Variants in ICAM3 observed in about 807,000 individuals in gnomAD.
The protein encoded by ICAM3 is intercellular adhesion molecule 3.
In ICAM3, 54 loss-of-function variants were observed where a neutral mutation model predicts 43.6. The observed-to-expected ratio is 1.24, with a 90% confidence interval of 0.99 to 1.55. ICAM3 has a LOEUF of 1.55. Among genes scored for constraint, ICAM3 ranks in the 40% most tolerant of loss-of-function variants. ICAM3 has a pLI of 0.00. For missense variants in ICAM3, 715 were observed against 717.9 expected, an observed-to-expected ratio of 1.00 and a Z score of 0.05; for synonymous variants, 306 against 312.6, an observed-to-expected ratio of 0.98 and a Z score of 0.22.
chr19:10,335,697 G>A lies in ICAM3; in HGVS notation c.623C>T (p.Ser208Leu). Reference sequence around the variant, plus strand: ...AAAGGTTCGGAGCTGGCGGGGGGCTGAGGTGTTCACGAACAGTCCCAGCCC... The same window carrying A: ...AAAGGTTCGGAGCTGGCGGGGGGCTAAGGTGTTCACGAACAGTCCCAGCCC... ...PQGLGLFVNTSAPRQLRTFVL... is the reference protein window; with the variant it reads ...PQGLGLFVNTLAPRQLRTFVL... Residue 208 changes from serine (S) to leucine (L), a missense_variant, in exon 3 of 7, where the codon TCA (serine) becomes TTA (leucine). Transcript: ENST00000160262. 1.2e-6 allele frequency: 2 copies of A among 1,607,164 alleles called. No individual in the cohort carries two copies. Among genetic ancestry groups the A allele is most frequent in the Non-Finnish European group, 1.7e-6 (2 of 1,177,248 alleles).
Position 10,338,757 on chromosome 19 carries a change from C to T in ICAM3, c.268G>A (p.Gly90Ser). 6.2e-7 allele frequency: 1 copy of T among 1,614,154 alleles called. No individual in the cohort carries two copies. Among genetic ancestry groups the T allele is most frequent in the Non-Finnish European group, 8.5e-7 (1 of 1,180,014 alleles). Residue 90 changes from glycine (G) to serine (S), a missense_variant, in exon 2 of 7, where the codon GGC (glycine) becomes AGC (serine). Physicochemically the swap from Gly to Ser is moderately conservative, Grantham distance 56 (BLOSUM62 0). Coordinates refer to ENST00000160262, the MANE Select transcript of ICAM3 (RefSeq NM_002162.5). Reference protein sequence around the residue: ...WAAFNLSNVTGNSRILCSVYC... With the variant: ...WAAFNLSNVTSNSRILCSVYC... The stretch of plus-strand genomic sequence containing the variant: ...ACTGAGCAGAGGATCCGACTGTTGC[C>T]AGTCACGTTGCTGAGATTGAAGGCT...
In ICAM3 at chr19:10,334,611, CCGT is replaced by C. The variant is rs865933913; in HGVS notation, c.1106_1108del (p.Asp369del). The stretch of plus-strand genomic sequence containing the variant: ...AGTGGCACTGCAGAAGAAGCTGCGT[CCGT>C]CGTCACTCTCGGTAGCATTTAGCTG... On this transcript the variant is annotated inframe_deletion, in exon 5 of 7. Transcript: ENST00000160262. The surrounding 1 kb of genome is among the most constrained non-coding windows in gnomAD (Gnocchi z 5.5). The C allele has an allele frequency of 1.2e-6, 2 of 1,613,750 alleles. No individual in the cohort carries two copies. Among genetic ancestry groups the C allele is most frequent in the Middle Eastern group, 1.6e-4 (1 of 6,062 alleles).
At chr19:10,337,744 C>T (rs548707286) in intron 2 of ICAM3, among the ~76,000 whole-genome samples, 1 of 152,140 alleles carries the variant, frequency 6.6e-6, no homozygotes, top group Admixed American at 6.5e-5. Context: ...CCACCTTGGT[C>T]CCCCAAGTAG....
At position 10,334,754 on chromosome 19, in the gene ICAM3, G is replaced by A. The variant is rs778463538; in HGVS notation, c.966C>T (p.Ser322=). The change falls in exon 5 of 7, where the codon AGC becomes AGT. Residue 322 remains serine, a synonymous_variant. Coordinates refer to ENST00000160262, the MANE Select transcript of ICAM3 (RefSeq NM_002162.5). The surrounding 1 kb of genome is among the most constrained non-coding windows in gnomAD (Gnocchi z 5.5). ...TGGACCCCTCATGGGCGGTGGGCTC[G>A]CTGAGGTTCACAATGGGTCCTAGGA... ...FSFLGPIVNL[S]EPTAHEGSTV... The A allele has an allele frequency of 1.2e-6, 2 of 1,606,664 alleles. No homozygotes were observed. Among genetic ancestry groups the A allele is most frequent in the East Asian group, 2.2e-5 (1 of 44,752 alleles).
At chr19:10,339,034 C>T in intron 1 of ICAM3, 86 bp from the exon 2 acceptor site, 1 of 1,427,024 alleles carries the variant, frequency 7.0e-7, no homozygotes, top group South Asian at 1.2e-5. Flanking sequence ...ACACCTCTCT[C>T]CTTGTGCCGA....
In ICAM3 at chr19:10,333,926, G is replaced by T. The variant is rs746354990; in HGVS notation, c.1575C>A (p.Ser525Arg). Residue 525 changes from serine (S) to arginine (R), a missense_variant, in exon 7 of 7, where the codon AGC becomes AGA. Physicochemically the swap from Ser to Arg is moderately radical, Grantham distance 110. Transcript: ENST00000160262. This position sits in a 1 kb window ranked among gnomAD's most constrained non-coding sequence, Gnocchi z 4.2. ...RSGSYHVREE[S>R]TYLPLTSMQP... ...GCATAGACGTGAGGGGCAGATAGGT[G>T]CTCTCCTCCCTAACATGGTAACTGC... The T allele has an allele frequency of 2.5e-6, 4 of 1,614,140 alleles. No homozygotes were observed. The South Asian group carries it at 3.3e-5, about 13-fold the overall frequency.
Position 10,334,659 on chromosome 19 carries a change from G to C in ICAM3, c.1061C>G (p.Pro354Arg). The C allele has an allele frequency of 6.2e-7, 1 of 1,613,342 alleles. No individual in the cohort carries two copies. Among genetic ancestry groups the C allele is most frequent in the Non-Finnish European group, 8.5e-7 (1 of 1,180,010 alleles). The change falls in exon 5 of 7, where the codon CCG becomes CGG. Residue 354 changes from proline (P) to arginine (R), a missense_variant. Coordinates refer to ENST00000160262, the MANE Select transcript of ICAM3 (RefSeq NM_002162.5). This position sits in a 1 kb window ranked among gnomAD's most constrained non-coding sequence, Gnocchi z 5.5. ...VTLDGVPAAA[P>R]GQPAQLQLNA... is the part of the protein sequence containing the mutation. Reference sequence around the variant, plus strand: ...TAGCTGAAGTTGAGCTGGCTGCCCCGGGGCCGCGGCCGGAACTCCGTCCAG... The same window carrying C: ...TAGCTGAAGTTGAGCTGGCTGCCCCCGGGCCGCGGCCGGAACTCCGTCCAG...
rs760348883 is a variant in ICAM3 at position 10,334,807 on chromosome 19, G to A, written c.938-25C>T. ...CCTAAAGGCGGGGCATTGCCCAGGA[G>A]CTTAATGAACAGGACCTTCCTGTGG... On this transcript the variant is annotated intron_variant, in intron 4 of 6. Transcript: ENST00000160262. The surrounding 1 kb of genome is among the most constrained non-coding windows in gnomAD (Gnocchi z 5.5). 2 of 1,555,762 alleles carry A rather than the reference G, an allele frequency of 1.3e-6. No individual in the cohort carries two copies. The highest frequency in any genetic ancestry group is 1.2e-5 in the South Asian group (1 of 82,954).
intron 1 of ICAM3, chr19:10,339,314 G>T: frequency 5.6e-6 from 2 of 359,442 alleles, no homozygotes; most frequent in South Asian, 3.6e-5. Flanking sequence ...AGCATGAGGG[G>T]TGTGTGTGTG....
At chr19:10,335,598 A>G (rs1370927136) in intron 3 of ICAM3, 73 bp downstream of exon 3, 2 of 1,423,060 alleles carry the variant, frequency 1.4e-6, no homozygotes, top group Non-Finnish European at 1.9e-6. Context: ...CCCCACTCTC[A>G]GGAACCCCAA....
chr19:10,334,314 C>T lies in ICAM3; in HGVS notation c.1287G>A (p.Pro429=). The T allele has an allele frequency of 1.9e-6, 3 of 1,614,190 alleles. No homozygotes were observed. The highest frequency in any genetic ancestry group is 1.7e-6 in the Non-Finnish European group (2 of 1,180,048). The part of the protein sequence containing the change: ...HVLQCQARGN[P]YPELRCLKEG... ...CCTTCAAACACCGCAGCTCGGGGTA[C>T]GGGTTGCCCCTGGCTTGGCACTGCA... The change falls in exon 6 of 7, where the codon CCG becomes CCA. Residue 429 remains proline, a synonymous_variant. Transcript: ENST00000160262. This position sits in a 1 kb window ranked among gnomAD's most constrained non-coding sequence, Gnocchi z 5.5.
chr19:10,335,216 G>T lies in ICAM3; in HGVS notation c.787C>A (p.Leu263Met), dbSNP rs543383673. 4 of 1,613,858 alleles carry T rather than the reference G, an allele frequency of 2.5e-6. No individual in the cohort carries two copies. In the South Asian group the frequency reaches 4.4e-5, roughly 18 times the overall value. ...CCGTGGTTCATGACTGTCGCATTCA[G>T]CATCTGGTCCCCCAGCGCCAGGTAG... ...QVYLALGDQM[L>M]NATVMNHGDT... is the part of the protein sequence containing the mutation. The change falls in exon 4 of 7, where the codon CTG becomes ATG. Residue 263 changes from leucine to methionine, a missense_variant. By Grantham distance (15) the Leu-to-Met change is conservative (BLOSUM62 2). Transcript: ENST00000160262.
In ICAM3 at chr19:10,333,903, A is replaced by G; in HGVS notation, c.1598T>C (p.Met533Thr). ...TTCCCCCATTGCTTCTGTCGGCTGC[A>G]TAGACGTGAGGGGCAGATAGGTGCT... Reference protein sequence around the residue: ...EESTYLPLTSMQPTEAMGEEP... With the variant: ...EESTYLPLTSTQPTEAMGEEP... Residue 533 changes from methionine to threonine, a missense_variant, in exon 7 of 7, where the codon ATG (methionine) becomes ACG (threonine). Transcript: ENST00000160262. The surrounding 1 kb of genome is among the most constrained non-coding windows in gnomAD (Gnocchi z 4.2). The G allele has an allele frequency of 2.5e-6, 4 of 1,614,158 alleles. No individual in the cohort carries two copies. Among genetic ancestry groups the G allele is most frequent in the South Asian group, 1.1e-5 (1 of 91,088 alleles).
Position 10,339,534 on chromosome 19 carries a change from C to T in ICAM3, c.76+5G>A. 6.2e-7 allele frequency: 1 copy of T among 1,613,566 alleles called. No individual in the cohort carries two copies. The highest frequency in any genetic ancestry group is 8.5e-7 in the Non-Finnish European group (1 of 1,179,710). ...TCCAGCCCTCCCCGGCTTGACTGGT[C>T]TCACCTGGGGTCAGCAGACAGCAGA... On this transcript the variant is annotated splice_donor_5th_base_variant and intron_variant, in intron 1 of 6. Coordinates refer to ENST00000160262, the MANE Select transcript of ICAM3 (RefSeq NM_002162.5).
Position 10,334,543 on chromosome 19 carries a change from G to A in ICAM3, c.1177C>T (p.Gln393Ter), listed in dbSNP as rs748069551. The change falls in exon 5 of 7, where the codon CAG becomes TAG. Residue 393 changes from glutamine (Q) to a stop codon, truncating the protein, a stop_gained. Coordinates refer to ENST00000160262, the MANE Select transcript of ICAM3 (RefSeq NM_002162.5). LOFTEE classifies it high-confidence loss of function. This position sits in a 1 kb window ranked among gnomAD's most constrained non-coding sequence, Gnocchi z 5.5. ...ACCGACTCACACAGGACTCGCAGCT[G>A]GACGCTACTGTTCCTGTGCAAGAAC... ...GEFLHRNSSV[Q>*]LRVLYGPKID... 1.9e-6 allele frequency: 3 copies of A among 1,610,702 alleles called. No individual in the cohort carries two copies. The South Asian group carries it at 3.3e-5, about 18-fold the overall frequency.
chr19:10,339,481 C>T (rs1399203056), intron 1 of ICAM3, 58 bp downstream of exon 1: 22 of 1,442,950 alleles, frequency 1.5e-5, no homozygotes, highest in Admixed American at 8.7e-5. Flanking sequence ...TTCCTCTACC[C>T]TCTACTGATC....
rs533960934 is a variant in ICAM3 at position 10,339,347 on chromosome 19, G to A, written c.76+192C>T. 543 of 597,414 alleles carry A rather than the reference G, an allele frequency of 9.1e-4. 7 individuals carry two copies. The South Asian group carries it at 0.01, about 11-fold the overall frequency. 37.0% of individuals were successfully genotyped at this position (597,414 alleles called of 1,614,324 possible). ...GTGTGTGTTAGGGGAGAGGGATGGCGTACAAGCCTATGCTGGGGCCTGACC... is the reference window on the plus strand; with the variant it reads ...GTGTGTGTTAGGGGAGAGGGATGGCATACAAGCCTATGCTGGGGCCTGACC... On this transcript the variant is annotated intron_variant, in intron 1 of 6. Transcript: ENST00000160262.
In ICAM3 at chr19:10,335,354, CTG is replaced by C; in HGVS notation, c.650-3_650-2del. The C allele has an allele frequency of 6.3e-7, 1 of 1,598,972 alleles. No homozygotes were observed. ...AGGCGCGGGGGGGTCACGGGCAGGACTGGGGAGAAAGGTGGGCATAGTACAAC... is the reference window on the plus strand; with the variant it reads ...AGGCGCGGGGGGGTCACGGGCAGGACGGGAGAAAGGTGGGCATAGTACAAC... On this transcript the variant is annotated splice_acceptor_variant and splice_polypyrimidine_tract_variant and intron_variant, in intron 3 of 6. Coordinates refer to ENST00000160262, the MANE Select transcript of ICAM3 (RefSeq NM_002162.5). LOFTEE classifies it high-confidence loss of function.
rs59309783 is a variant in ICAM3, at chr19:10,338,098, CA to C, written c.343+583del. ...GGCTACAGAGTAAGAGACGCCATCT[CA>C]AAAAAAAAAAAAAGCTTGTTGGGGC... On this transcript the variant is annotated intron_variant, in intron 2 of 6. Transcript: ENST00000160262. 2.3e-3 allele frequency among the ~76,000 whole-genome samples: 299 copies of C among 132,164 alleles called. 1 individual carries two copies. The highest frequency in any genetic ancestry group is 2.7e-3 in the East Asian group (12 of 4,486). The allele number at this position is 132,164 out of a possible 152,430, so 86.7% of individuals were successfully genotyped here. A position where few individuals can be genotyped will look rare whatever the true frequency, so the allele number is the denominator to read the frequency against.
Sources: gnomAD v4.1 joint callset for allele counts (sites outside exome capture counted in the v4.1 genomes callset) on GRCh38, gnomAD v4.1.1 for gene constraint, Gnocchi (gnomAD v3.1) non-coding constraint, MANE v1.5 for transcripts, NCBI Gene and HGNC (gene_info 2026-07-23, HGNC 2026-07-21) for gene names.